The following GAP43 variants were observed in gnomAD, a reference collection of about 807,000 sequenced individuals.
GAP43 encodes neuromodulin.
GAP43 carries 6 observed loss-of-function variants against 18.6 expected under a neutral mutation model. That is an observed-to-expected ratio of 0.32 (90% confidence interval 0.18 to 0.64). The LOEUF (loss-of-function observed/expected upper bound fraction) is 0.64, where lower values mean the gene tolerates loss of function less well. GAP43 is among the 30% of genes least tolerant of loss of function. The pLI, the probability that GAP43 is intolerant of heterozygous loss-of-function variation, is 0.78. For synonymous variants in GAP43, 115 were observed against 111.4 expected (o/e 1.03, Z -0.20); for missense variants, 292 against 295.5 (o/e 0.99, Z 0.09).
chr3:115,647,758 C>CAAA (rs111391501), intron 1 of GAP43, among the ~76,000 whole-genome samples: 29,183 of 131,764 alleles, frequency 0.22, 3,282 homozygotes, highest in Non-Finnish European at 0.28. Flanking sequence ...AACAAAAAAA[C>CAAA]AAAAAAAAAA....
At chr3:115,683,037 A>C (rs904445140) in intron 2 of GAP43, among the ~76,000 whole-genome samples, 1 of 152,148 alleles carries the variant, frequency 6.6e-6, no homozygotes, top group African/African-American at 2.4e-5. Context: ...ATTTGGAACT[A>C]AAAATTAATA....
At chr3:115,707,918 G>A (rs1709384850) in intron 2 of GAP43, among the ~76,000 whole-genome samples, 2 of 151,852 alleles carry the variant, frequency 1.3e-5, no homozygotes, top group South Asian at 4.2e-4. Context: ...TCTTCCCGAG[G>A]TAATTGAGGT....
intron 1 of GAP43, 33 bp downstream of exon 1, chr3:115,623,752 G>A: frequency 2.5e-6 from 4 of 1,612,892 alleles, no homozygotes; most frequent in Non-Finnish European, 3.4e-6. Flanking sequence ...TCTTGCTGTT[G>A]TGAAATAACC....
chr3:115,693,595 CAATTT>C (rs1288442758), intron 2 of GAP43, among the ~76,000 whole-genome samples: 4 of 152,010 alleles, frequency 2.6e-5, no homozygotes, highest in African/African-American at 7.3e-5. Flanking sequence ...GTGTTAAATT[CAATTT>C]AGAGTGTCTA....
At chr3:115,702,828 C>T (rs146528155) in intron 2 of GAP43, among the ~76,000 whole-genome samples, 2 of 152,206 alleles carry the variant, frequency 1.3e-5, no homozygotes, top group African/African-American at 4.8e-5. Context: ...TTTTTGTCAG[C>T]AGTTTCAGGC....
At chr3:115,703,276 T>G (rs1709319213) in intron 2 of GAP43, among the ~76,000 whole-genome samples, 1 of 152,076 alleles carries the variant, frequency 6.6e-6, no homozygotes, top group Admixed American at 6.6e-5. Context: ...GTTTTATGAT[T>G]GAAGAGGAAA....
chr3:115,696,097 ATC>A (rs1387620365), intron 2 of GAP43, among the ~76,000 whole-genome samples: 1 of 150,658 alleles, frequency 6.6e-6, no homozygotes, highest in Non-Finnish European at 1.5e-5. Flanking sequence ...GACTTTGGTG[ATC>A]TCTCTGAGCT....
At position 115,703,350 on chromosome 3, in the gene GAP43, G is replaced by C. The variant is rs1202121315; in HGVS notation, c.629-17444G>C. Among the ~76,000 whole-genome samples the C allele has an allele frequency of 9.9e-5, 15 of 152,090 alleles. 1 individual carries two copies. Among genetic ancestry groups the C allele is most frequent in the Non-Finnish European group, 2.2e-4 (15 of 67,974 alleles). ...TTGCCTTTTTGAAGGGCTATCATGT[G>C]CCAGAGAATATATTTGAGATATATT... On this transcript the variant is annotated intron_variant, in intron 2 of 2. Coordinates refer to ENST00000305124, the MANE Select transcript of GAP43 (RefSeq NM_002045.4).
chr3:115,720,064 C>G (rs951086546), intron 2 of GAP43, among the ~76,000 whole-genome samples: 2 of 152,174 alleles, frequency 1.3e-5, no homozygotes, highest in South Asian at 4.1e-4. Flanking sequence ...TATTATATTA[C>G]AATGCTTTAA....
chr3:115,688,444 G>A (rs540738879), intron 2 of GAP43, among the ~76,000 whole-genome samples: 1 of 150,380 alleles, frequency 6.6e-6, no homozygotes, highest in Non-Finnish European at 1.5e-5. Context: ...TCCTTCTGAT[G>A]GGATACTATT....
In GAP43 at chr3:115,662,820, A is replaced by G. The variant is rs550823432; in HGVS notation, c.31-13193A>G. 3.3e-5 allele frequency among the ~76,000 whole-genome samples: 5 copies of G among 152,274 alleles called. 1 individual carries two copies. The South Asian group carries it at 1.0e-3, about 32-fold the overall frequency. ...TGTTGTATATGTCAAGTAGAAAGTTATTTTCATTGACCTCAAGACTGCAGA... is the reference window on the plus strand; with the variant it reads ...TGTTGTATATGTCAAGTAGAAAGTTGTTTTCATTGACCTCAAGACTGCAGA... On this transcript the variant is annotated intron_variant, in intron 1 of 2. Coordinates refer to ENST00000305124, the MANE Select transcript of GAP43 (RefSeq NM_002045.4).
chr3:115,659,011 TG>T (rs1297926058), intron 1 of GAP43: 2 of 152,464 alleles, frequency 1.3e-5, no homozygotes, highest in African/African-American at 2.4e-5. Context: ...CTGGGTCAAT[TG>T]GAAGTAACCT....
intron 1 of GAP43, among the ~76,000 whole-genome samples, chr3:115,672,509 T>C (rs1025368794): frequency 2.0e-5 from 3 of 152,160 alleles, no homozygotes; most frequent in African/African-American, 7.2e-5. Flanking sequence ...TACCAAGAAA[T>C]AACCTGCAGT....
chr3:115,659,118 G>A (rs1156733735), intron 1 of GAP43: 1 of 152,586 alleles, frequency 6.6e-6, no homozygotes, highest in Non-Finnish European at 1.5e-5. Flanking sequence ...AGGGCCAGGG[G>A]AGTGGAAGAG....
At chr3:115,698,049 AT>A (rs1161704882) in intron 2 of GAP43, among the ~76,000 whole-genome samples, 703 of 69,592 alleles carry the variant, frequency 0.01, 33 homozygotes, top group African/African-American at 0.061. Flanking sequence ...TATATTATAT[AT>A]TATATAAAAT....
At chr3:115,703,493 C>T (rs1709322659) in intron 2 of GAP43, among the ~76,000 whole-genome samples, 1 of 151,944 alleles carries the variant, frequency 6.6e-6, no homozygotes, top group African/African-American at 2.4e-5. Context: ...AGAGGCTGTC[C>T]CTCTGCCTGG....
At chr3:115,663,719 A>G (rs1576986801) in intron 1 of GAP43, 1 of 1,518,088 alleles carries the variant, frequency 6.6e-7, no homozygotes, top group East Asian at 2.5e-5. Flanking sequence ...AATTGGACTG[A>G]CAGCTCTACA....
At chr3:115,669,128 AATAG>A (rs1043424766) in intron 1 of GAP43, among the ~76,000 whole-genome samples, 2 of 152,086 alleles carry the variant, frequency 1.3e-5, no homozygotes, top group African/African-American at 2.4e-5. Context: ...CTAACGAGTC[AATAG>A]ATAAATATAA....
At chr3:115,700,656 C>A (rs946434481) in intron 2 of GAP43, among the ~76,000 whole-genome samples, 4 of 152,070 alleles carry the variant, frequency 2.6e-5, no homozygotes, top group African/African-American at 9.7e-5. Context: ...GTGAAAAAGT[C>A]TTTTTCTTAT....
Sources: allele counts gnomAD v4.1 joint callset (sites outside exome capture counted in the v4.1 genomes callset), GRCh38; gene constraint gnomAD v4.1.1; transcripts MANE v1.5; gene names NCBI Gene and HGNC (gene_info 2026-07-23, HGNC 2026-07-21).